The following KIF14 variants were observed in gnomAD, a reference collection of about 807,000 sequenced individuals.
KIF14 encodes the protein kinesin-like protein KIF14.
In KIF14, 98 loss-of-function variants were observed where a neutral mutation model predicts 176.2. That is an observed-to-expected ratio of 0.56 (90% CI 0.47 to 0.66). KIF14 has a LOEUF of 0.66. Ranked by LOEUF, KIF14 falls within the 30% of genes least tolerant of loss-of-function variation. The pLI, the probability that KIF14 is intolerant of heterozygous loss-of-function variation, is 0.00. For synonymous variants in KIF14, 566 were observed against 632.2 expected, an observed-to-expected ratio of 0.90 and a Z score of 1.57; for missense variants, 1,751 against 1,920.4, an observed-to-expected ratio of 0.91 and a Z score of 1.65.
Position 200,581,764 on chromosome 1 carries a change from T to C in KIF14, c.3242-470A>G, listed in dbSNP as rs1658473276. Among the ~76,000 whole-genome samples, 4 of 141,224 alleles carry C rather than the reference T, an allele frequency of 2.8e-5. No homozygotes were observed. In the South Asian group the frequency reaches 9.6e-4, roughly 34 times the overall value. 92.6% of individuals were successfully genotyped at this position (141,224 alleles called of 152,430 possible). A position where few individuals can be genotyped will look rare whatever the true frequency, so the allele number is the denominator to read the frequency against. ...TTTAGTACACAATTTCACTTTCCTT[T>C]TTTTTTTTTTTTTTTTTTTTGAGTC... On this transcript the variant is annotated intron_variant, in intron 19 of 29. Coordinates refer to ENST00000367350, the MANE Select transcript of KIF14 (RefSeq NM_014875.3).
intron 21 of KIF14, among the ~76,000 whole-genome samples, chr1:200,576,911 C>T (rs554274609): frequency 6.6e-6 from 1 of 151,142 alleles, no homozygotes; most frequent in African/African-American, 2.4e-5. Flanking sequence ...TATAGGGCAA[C>T]CTTGACCTTC....
At chr1:200,610,885 G>A (rs1371090519) in intron 4 of KIF14, among the ~76,000 whole-genome samples, 2 of 152,184 alleles carry the variant, frequency 1.3e-5, no homozygotes, top group Admixed American at 1.3e-4. Flanking sequence ...ACCAGAAAGA[G>A]GGGGTAGGGC....
Position 200,589,314 on chromosome 1 carries a change from T to C in KIF14, c.3017A>G (p.His1006Arg), listed in dbSNP as rs1419546009. 1.9e-6 allele frequency: 3 copies of C among 1,611,228 alleles called. No individual in the cohort carries two copies. Among genetic ancestry groups the C allele is most frequent in the Non-Finnish European group, 2.5e-6 (3 of 1,177,668 alleles). The stretch of plus-strand genomic sequence containing the variant: ...TGCCTTTTCTAATTCCTCAATTTTG[T>C]GATTAGCCTTCTGGTTATTTATTTC... Reference protein sequence around the residue: ...MQEINNQKANHKIEELEKAKQ... With the variant: ...MQEINNQKANRKIEELEKAKQ... Residue 1006 changes from histidine (H) to arginine (R), a missense_variant, in exon 18 of 30, where the codon CAC becomes CGC. His to Arg is a conservative substitution (Grantham distance 29). Transcript: ENST00000367350.
chr1:200,577,895 T>C (rs1658218535), intron 21 of KIF14, among the ~76,000 whole-genome samples: 1 of 151,938 alleles, frequency 6.6e-6, no homozygotes, highest in Admixed American at 6.5e-5. Context: ...TCTTTGGCAG[T>C]TTAAAAGAGC....
intron 27 of KIF14, among the ~76,000 whole-genome samples, chr1:200,557,935 G>C (rs548173307): frequency 4.2e-4 from 64 of 152,112 alleles, no homozygotes; most frequent in Non-Finnish European, 8.5e-4. Flanking sequence ...TCCAACAAGA[G>C]CAATGGAATG....
rs1658984241 is a variant in KIF14, at chr1:200,590,224, C to T, written c.2862G>A (p.Met954Ile). 6.2e-7 allele frequency: 1 copy of T among 1,613,902 alleles called. No homozygotes were observed. The highest frequency in any genetic ancestry group is 1.3e-5 in the African/African-American group (1 of 75,054). The change falls in exon 17 of 30, where the codon ATG (methionine) becomes ATA (isoleucine). Residue 954 changes from methionine (M) to isoleucine (I), a missense_variant. Coordinates refer to ENST00000367350, the MANE Select transcript of KIF14 (RefSeq NM_014875.3). ...KEAQLKAKEE[M>I]MQGIQIAKEM... ...CTTTTGCAATCTGGATTCCTTGCAT[C>T]ATTTCTTCCTTTGCCTTCAACTGAG... is the stretch of plus-strand genomic sequence containing the variant.
In KIF14 at chr1:200,560,867, T is replaced by C. The variant is rs1411493126; in HGVS notation, c.4085A>G (p.Asp1362Gly). 6.2e-7 allele frequency: 1 copy of C among 1,613,096 alleles called. No homozygotes were observed. Among genetic ancestry groups the C allele is most frequent in the Non-Finnish European group, 8.5e-7 (1 of 1,179,154 alleles). Residue 1362 changes from aspartate (D) to glycine (G), a missense_variant, in exon 26 of 30, where the codon GAT (aspartate) becomes GGT (glycine). Coordinates refer to ENST00000367350, the MANE Select transcript of KIF14 (RefSeq NM_014875.3). The part of the protein sequence containing the change: ...LQLFLQGCCL[D>G]ISSMIKEAQK... ...AGCCTCTTTTATCATTGATGAAATA[T>C]CCAAACAGCATCCCTGTAAGATAAA...
At chr1:200,573,060 T>G (rs1657895308) in intron 22 of KIF14, among the ~76,000 whole-genome samples, 1 of 152,214 alleles carries the variant, frequency 6.6e-6, no homozygotes, top group Non-Finnish European at 1.5e-5. Context: ...ATTTATTGAA[T>G]GCCCACCCAC....
intron 22 of KIF14, among the ~76,000 whole-genome samples, chr1:200,574,109 T>C (rs1657971105): frequency 6.6e-6 from 1 of 152,170 alleles, no homozygotes; most frequent in Non-Finnish European, 1.5e-5. Context: ...TTCATAGGTT[T>C]GTGGTGTGTA....
At chr1:200,577,615 C>A (rs540656794) in intron 21 of KIF14, among the ~76,000 whole-genome samples, 1 of 151,636 alleles carries the variant, frequency 6.6e-6, no homozygotes, top group African/African-American at 2.4e-5. Flanking sequence ...GCAGGAGAAT[C>A]GCTTGAACCC....
intron 2 of KIF14, among the ~76,000 whole-genome samples, chr1:200,617,130 G>C (rs546194747): frequency 4.0e-4 from 61 of 152,134 alleles, no homozygotes; most frequent in Non-Finnish European, 7.6e-4. Flanking sequence ...ACCATGCCCA[G>C]CTAATTTTTG....
intron 25 of KIF14, 37 bp from the exon 26 acceptor site, chr1:200,560,917 G>C: frequency 6.3e-7 from 1 of 1,582,646 alleles, no homozygotes. Flanking sequence ...TCAGATACAT[G>C]AGATTATAAC....
Position 200,618,599 on chromosome 1 carries a change from G to T in KIF14, c.125C>A (p.Ser42Ter). The T allele has an allele frequency of 6.2e-7, 1 of 1,614,036 alleles. No homozygotes were observed. Among genetic ancestry groups the T allele is most frequent in the Non-Finnish European group, 8.5e-7 (1 of 1,180,024 alleles). Residue 42 changes from serine (S) to a stop codon, truncating the protein, a stop_gained, in exon 2 of 30, where the codon TCG becomes TAG. Coordinates refer to ENST00000367350, the MANE Select transcript of KIF14 (RefSeq NM_014875.3). LOFTEE classifies it high-confidence loss of function. ...HSSRLKLHLK[S>*]DMSECENDDP... is the part of the protein sequence containing the mutation. ...ATCATTTTCACATTCTGACATATCC[G>T]ACTTCAAATGCAGCTTAAGTCGGCT...
chr1:200,614,461 C>A (rs1660306872), intron 3 of KIF14, 56 bp from the exon 4 acceptor site: 9 of 1,119,282 alleles, frequency 8.0e-6, no homozygotes, highest in Admixed American at 2.0e-5. Context: ...CTTTAAAATT[C>A]TTTTTGGGGA....
intron 25 of KIF14, among the ~76,000 whole-genome samples, chr1:200,564,197 G>GT (rs58432195): frequency 0.54 from 80,070 of 148,866 alleles, 22,114 homozygotes; most frequent in East Asian, 0.69. Context: ...AGGAGCAGAG[G>GT]GGCAGTGAGC....
At chr1:200,615,073 A>C (rs1660346595) in intron 3 of KIF14, among the ~76,000 whole-genome samples, 1 of 152,196 alleles carries the variant, frequency 6.6e-6, no homozygotes, top group Admixed American at 6.5e-5. Flanking sequence ...AAAATACTTA[A>C]AAGATAACCT....
intron 14 of KIF14, among the ~76,000 whole-genome samples, chr1:200,596,811 G>A (rs532544886): frequency 2.0e-5 from 3 of 148,990 alleles, no homozygotes; most frequent in South Asian, 2.1e-4. Flanking sequence ...GTAATCTGCC[G>A]CCTCAGCCTC....
chr1:200,593,831 C>T lies in KIF14; in HGVS notation c.2550-62G>A, dbSNP rs1471043248. 4.3e-6 allele frequency: 4 copies of T among 932,920 alleles called. No homozygotes were observed. In the Admixed American group the frequency reaches 7.1e-5, roughly 17 times the overall value. 57.8% of individuals were successfully genotyped at this position (932,920 alleles called of 1,614,324 possible). On this transcript the variant is annotated intron_variant, in intron 14 of 29. Transcript: ENST00000367350. Reference sequence around the variant, plus strand: ...AACACACTAAAAAGTAAGAAAAAGGCAATATGGGATAATTCTGCTTGGGCT... The same window carrying T: ...AACACACTAAAAAGTAAGAAAAAGGTAATATGGGATAATTCTGCTTGGGCT...
intron 27 of KIF14, among the ~76,000 whole-genome samples, chr1:200,556,183 TC>T (rs1214780024): frequency 1.3e-5 from 2 of 152,130 alleles, no homozygotes; most frequent in Non-Finnish European, 2.9e-5. Context: ...TTTTATTCTA[TC>T]CAATGCTGCC....
Sources: allele counts gnomAD v4.1 joint callset (sites outside exome capture counted in the v4.1 genomes callset), GRCh38; gene constraint gnomAD v4.1.1; transcripts MANE v1.5; gene names NCBI Gene and HGNC (gene_info 2026-07-23, HGNC 2026-07-21).